The following DSCAM variants were observed in gnomAD, a reference collection of about 807,000 sequenced individuals.
DSCAM encodes cell adhesion molecule DSCAM.
In DSCAM, 47 loss-of-function variants were observed where a neutral mutation model predicts 217.7. The observed-to-expected ratio is 0.22, with a 90% CI of 0.17 to 0.28. DSCAM has a LOEUF of 0.28. Ranked by LOEUF, DSCAM falls within the 10% of genes least tolerant of loss-of-function variation. The pLI is 1.00. For synonymous variants in DSCAM, 1,056 were observed against 1,015.3 expected (o/e 1.04, Z -0.76); for missense variants, 2,080 against 2,618.3 (o/e 0.79, Z 4.49).
intron 16 of DSCAM, 66 bp downstream of exon 16, chr21:40,167,152 T>C (rs889176772): frequency 6.9e-7 from 1 of 1,442,360 alleles, no homozygotes; most frequent in African/African-American, 1.4e-5. Context: ...GTCATAACAC[T>C]GAACAGGAGT....
intron 3 of DSCAM, among the ~76,000 whole-genome samples, chr21:40,442,930 A>G (rs1053658607): frequency 6.6e-6 from 1 of 152,206 alleles, no homozygotes; most frequent in Admixed American, 6.5e-5. Flanking sequence ...GTTCATGTGT[A>G]TGCATGTGTG....
At chr21:40,411,125 C>T (rs893985118) in intron 3 of DSCAM, among the ~76,000 whole-genome samples, 12 of 147,040 alleles carry the variant, frequency 8.2e-5, no homozygotes, top group African/African-American at 2.8e-4. Context: ...TAAGATTCAA[C>T]AATATATGTG....
At chr21:40,332,282 G>C (rs1452454511) in intron 8 of DSCAM, among the ~76,000 whole-genome samples, 1 of 152,048 alleles carries the variant, frequency 6.6e-6, no homozygotes, top group Admixed American at 6.6e-5. Flanking sequence ...GCTGCAATAC[G>C]AATTATTCTT....
intron 3 of DSCAM, among the ~76,000 whole-genome samples, chr21:40,538,070 T>C (rs772193998): frequency 6.6e-6 from 1 of 152,098 alleles, no homozygotes; most frequent in Non-Finnish European, 1.5e-5. Flanking sequence ...GGGATGGATG[T>C]AGTGTTTGTC....
At chr21:40,806,532 G>A (rs1469222400) in intron 1 of DSCAM, among the ~76,000 whole-genome samples, 1 of 152,256 alleles carries the variant, frequency 6.6e-6, no homozygotes, top group East Asian at 1.9e-4. Context: ...AATCCTAGAG[G>A]TACTCAAAAT....
intron 3 of DSCAM, among the ~76,000 whole-genome samples, chr21:40,527,689 A>C (rs1376059730): frequency 6.6e-6 from 1 of 152,220 alleles, no homozygotes; most frequent in Non-Finnish European, 1.5e-5. Flanking sequence ...CTAAGTTTTG[A>C]AGTAGTTTGT....
intron 3 of DSCAM, among the ~76,000 whole-genome samples, chr21:40,563,366 T>C (rs2076735464): frequency 6.6e-6 from 1 of 151,300 alleles, no homozygotes; most frequent in Non-Finnish European, 1.5e-5. Flanking sequence ...GAAATACAGG[T>C]AGTATTATCA....
intron 2 of DSCAM, among the ~76,000 whole-genome samples, chr21:40,694,014 T>A (rs1436717991): frequency 1.3e-5 from 2 of 152,136 alleles, no homozygotes; most frequent in African/African-American, 4.8e-5. Context: ...AGGGTGACTG[T>A]GGTGAATCAG....
At chr21:40,665,106 G>A (rs1387439568) in intron 3 of DSCAM, among the ~76,000 whole-genome samples, 1 of 152,188 alleles carries the variant, frequency 6.6e-6, no homozygotes, top group Non-Finnish European at 1.5e-5. Flanking sequence ...TTTACAGCAT[G>A]CAGAACTGGG....
chr21:40,321,971 G>A (rs1164853161), intron 8 of DSCAM, among the ~76,000 whole-genome samples: 1 of 152,142 alleles, frequency 6.6e-6, no homozygotes, highest in Admixed American at 6.5e-5. Context: ...AGACCCTTTT[G>A]AGATTCAACT....
At chr21:40,616,868 TTA>T (rs1468264569) in intron 3 of DSCAM, among the ~76,000 whole-genome samples, 1 of 151,314 alleles carries the variant, frequency 6.6e-6, no homozygotes, top group African/African-American at 2.4e-5. Context: ...ATACAAAAAA[TTA>T]GCCGGGCGTA....
At chr21:40,595,815 C>T (rs1280729185) in intron 3 of DSCAM, among the ~76,000 whole-genome samples, 1 of 152,066 alleles carries the variant, frequency 6.6e-6, no homozygotes, top group African/African-American at 2.4e-5. Flanking sequence ...AGCATTACTA[C>T]AGTCTTTGGA....
chr21:40,718,944 A>G (rs1279159105), intron 1 of DSCAM, among the ~76,000 whole-genome samples: 1 of 149,916 alleles, frequency 6.7e-6, no homozygotes, highest in Non-Finnish European at 1.5e-5. Context: ...TGGGGAACAT[A>G]GCAAGACTCT....
chr21:40,245,155 T>C (rs2073206367), intron 11 of DSCAM, among the ~76,000 whole-genome samples: 1 of 152,212 alleles, frequency 6.6e-6, no homozygotes, highest in Non-Finnish European at 1.5e-5. Flanking sequence ...CACAATTTAT[T>C]GGCACTTGTG....
At chr21:40,546,248 C>T (rs1437275277) in intron 3 of DSCAM, among the ~76,000 whole-genome samples, 1 of 152,180 alleles carries the variant, frequency 6.6e-6, no homozygotes, top group Non-Finnish European at 1.5e-5. Context: ...TGCAGGAGAG[C>T]TGGGGGTCCA....
chr21:40,470,056 T>C (rs1217720980), intron 3 of DSCAM, among the ~76,000 whole-genome samples: 1 of 152,274 alleles, frequency 6.6e-6, no homozygotes, highest in Non-Finnish European at 1.5e-5. Flanking sequence ...TTTATCTTAA[T>C]AATCATTTCT....
intron 3 of DSCAM, among the ~76,000 whole-genome samples, chr21:40,538,435 G>A (rs2837693): frequency 0.17 from 25,985 of 152,006 alleles, 2,485 homozygotes; most frequent in South Asian, 0.29. Flanking sequence ...ACAAAGCTGT[G>A]AAATGTCCAA....
chr21:40,189,696 T>C (rs758766450), intron 11 of DSCAM, among the ~76,000 whole-genome samples: 2 of 152,164 alleles, frequency 1.3e-5, no homozygotes, highest in African/African-American at 2.4e-5. Flanking sequence ...GATCTGATGG[T>C]TTTAAAAATG....
intron 3 of DSCAM, among the ~76,000 whole-genome samples, chr21:40,572,096 GT>G (rs2076812120): frequency 1.3e-5 from 2 of 151,356 alleles, no homozygotes; most frequent in African/African-American, 2.4e-5. Flanking sequence ...GTGTGTGTGT[GT>G]GTGTGTGTGT....
Sources: gnomAD v4.1 joint callset for allele counts (sites outside exome capture counted in the v4.1 genomes callset) on GRCh38, gnomAD v4.1.1 for gene constraint, MANE v1.5 for transcripts, NCBI Gene and HGNC (gene_info 2026-07-23, HGNC 2026-07-21) for gene names.